MAGI2: variants seen among roughly 807,000 people sequenced by gnomAD.
MAGI2 encodes membrane-associated guanylate kinase, WW and PDZ domain-containing protein 2.
A neutral mutation model predicts 133.3 loss-of-function variants in MAGI2; 35 were observed. The ratio of observed to expected loss-of-function variants is 0.26; its 90% confidence interval spans 0.20 to 0.35. The LOEUF (loss-of-function observed/expected upper bound fraction) is 0.35, where lower values mean the gene tolerates loss of function less well. Ranked by LOEUF, MAGI2 falls within the 10% of genes least tolerant of loss-of-function variation. The pLI is 1.00. For synonymous variants in MAGI2, 729 were observed against 710.6 expected (o/e 1.03, Z -0.41); for missense variants, 1,636 against 1,863.4 (o/e 0.88, Z 2.25).
At chr7:78,758,649 A>G (rs1824193112) in intron 2 of MAGI2, among the ~76,000 whole-genome samples, 1 of 152,128 alleles carries the variant, frequency 6.6e-6, no homozygotes, top group African/African-American at 2.4e-5. Context: ...AAGCCTCTCC[A>G]TCACAAAAGG....
intron 6 of MAGI2, among the ~76,000 whole-genome samples, chr7:78,464,763 C>CA (rs1372876755): frequency 1.8e-4 from 26 of 148,166 alleles, no homozygotes; most frequent in African/African-American, 6.2e-4. Context: ...CAAATACATG[C>CA]AAAAAATGTA....
intron 1 of MAGI2, among the ~76,000 whole-genome samples, chr7:79,433,397 C>CA (rs1344669285): frequency 2.0e-5 from 3 of 151,882 alleles, no homozygotes; most frequent in African/African-American, 7.3e-5. Context: ...CTAAAAAATA[C>CA]AAAAAATTAG....
rs1250713042 is a variant in MAGI2 at position 78,256,489 on chromosome 7, T to A, written c.1501A>T (p.Ser501Cys). ...KLFQSVPIGQ[S>C]VNLVLCRGYP... ...CCACGACACAACACCAGGTTGACAC[T>A]CTGACCAATAGGAACAGACTGGAAA... is the stretch of plus-strand genomic sequence containing the variant. The change falls in exon 10 of 22, where the codon AGT becomes TGT. Residue 501 changes from serine to cysteine, a missense_variant. By Grantham distance (112) the Ser-to-Cys change is moderately radical (BLOSUM62 -1). This residue lies in a region of MAGI2 where 920 missense variants were observed against 1,093.5 expected (regional missense o/e 0.84). Coordinates refer to ENST00000354212, the MANE Select transcript of MAGI2 (RefSeq NM_012301.4). The A allele has an allele frequency of 1.2e-6, 2 of 1,613,924 alleles. No individual in the cohort carries two copies. Among genetic ancestry groups the A allele is most frequent in the Non-Finnish European group, 1.7e-6 (2 of 1,179,960 alleles).
At chr7:78,876,146 C>A in intron 2 of MAGI2, among the ~76,000 whole-genome samples, 1 of 151,662 alleles carries the variant, frequency 6.6e-6, no homozygotes, top group East Asian at 1.9e-4. Context: ...CATGGTGAAA[C>A]CCTGTCTCTA....
intron 2 of MAGI2, among the ~76,000 whole-genome samples, chr7:78,871,978 C>A (rs1795063610): frequency 6.6e-6 from 1 of 151,642 alleles, no homozygotes; most frequent in Non-Finnish European, 1.5e-5. Context: ...TTAACATCAA[C>A]CACAAACACA....
intron 2 of MAGI2, among the ~76,000 whole-genome samples, chr7:78,780,366 C>T (rs947766464): frequency 6.6e-5 from 10 of 151,080 alleles, no homozygotes; most frequent in Admixed American, 2.0e-4. Flanking sequence ...TGTGTTTGTA[C>T]CTGAATTTAT....
chr7:78,353,587 C>T lies in MAGI2; in HGVS notation c.1104-7544G>A, dbSNP rs114403316. On this transcript the variant is annotated intron_variant, in intron 7 of 21. Coordinates refer to ENST00000354212, the MANE Select transcript of MAGI2 (RefSeq NM_012301.4). Reference sequence around the variant, plus strand: ...AAACTGCTGAAATTTGTATGCATGACGTAAATACTCAGAGGGAGAAAAGAC... The same window carrying T: ...AAACTGCTGAAATTTGTATGCATGATGTAAATACTCAGAGGGAGAAAAGAC... 6.8e-3 allele frequency among the ~76,000 whole-genome samples: 1,039 copies of T among 152,236 alleles called. 14 individuals carry two copies. The highest frequency in any genetic ancestry group is 0.023 in the African/African-American group (960 of 41,544).
intron 2 of MAGI2, among the ~76,000 whole-genome samples, chr7:78,895,597 T>A (rs1337763606): frequency 6.6e-6 from 1 of 152,178 alleles, no homozygotes; most frequent in Non-Finnish European, 1.5e-5. Flanking sequence ...CATCTCGTGA[T>A]GCATTTGACA....
intron 1 of MAGI2, among the ~76,000 whole-genome samples, chr7:79,159,170 T>G (rs1270973836): frequency 6.6e-6 from 1 of 151,976 alleles, no homozygotes; most frequent in African/African-American, 2.4e-5. Flanking sequence ...AATGACTAGA[T>G]TGTTAAAGAG....
At chr7:78,716,914 A>G (rs1386763388) in intron 2 of MAGI2, among the ~76,000 whole-genome samples, 3 of 152,196 alleles carry the variant, frequency 2.0e-5, no homozygotes, top group Admixed American at 6.5e-5. Flanking sequence ...AGCCCAAGCC[A>G]CAGCATTTTG....
At chr7:79,226,555 C>T (rs1261896699) in intron 1 of MAGI2, among the ~76,000 whole-genome samples, 1 of 152,050 alleles carries the variant, frequency 6.6e-6, no homozygotes, top group Non-Finnish European at 1.5e-5. Flanking sequence ...AATAAAAATA[C>T]ATTGATAGGA....
At chr7:78,599,313 TAAG>T (rs767942318) in intron 3 of MAGI2, among the ~76,000 whole-genome samples, 2 of 152,226 alleles carry the variant, frequency 1.3e-5, no homozygotes, top group Non-Finnish European at 1.5e-5. Context: ...TTAAAAATTT[TAAG>T]AAGATAGATC....
At chr7:78,475,161 T>C (rs1791615334) in intron 6 of MAGI2, among the ~76,000 whole-genome samples, 1 of 151,972 alleles carries the variant, frequency 6.6e-6, no homozygotes, top group Admixed American at 6.6e-5. Flanking sequence ...CTTGTGTGTA[T>C]GCTTTTTAAA....
intron 4 of MAGI2, among the ~76,000 whole-genome samples, chr7:78,514,433 G>T (rs1462093116): frequency 1.3e-5 from 2 of 152,026 alleles, no homozygotes; most frequent in African/African-American, 2.4e-5. Flanking sequence ...TGGAATGCTG[G>T]TCATTTATAG....
chr7:78,032,790 A>G (rs1809725855), intron 21 of MAGI2, among the ~76,000 whole-genome samples: 1 of 152,126 alleles, frequency 6.6e-6, no homozygotes. Flanking sequence ...AATGCAGAGG[A>G]GGAGAAAGTC....
chr7:78,590,270 T>A (rs1248406331), intron 3 of MAGI2, among the ~76,000 whole-genome samples: 2 of 152,162 alleles, frequency 1.3e-5, no homozygotes, highest in Non-Finnish European at 2.9e-5. Flanking sequence ...TAATTCTGCC[T>A]TCTTCTCCAT....
intron 2 of MAGI2, among the ~76,000 whole-genome samples, chr7:78,669,711 A>G (rs1044134791): frequency 1.3e-5 from 2 of 152,162 alleles, no homozygotes; most frequent in African/African-American, 2.4e-5. Context: ...CACATTCAAA[A>G]AGCTTATCCA....
At chr7:78,214,338 G>T (rs1244722460) in intron 10 of MAGI2, among the ~76,000 whole-genome samples, 1 of 152,118 alleles carries the variant, frequency 6.6e-6, no homozygotes, top group Admixed American at 6.5e-5. Context: ...TAATCTTCAA[G>T]GCTAAACATT....
chr7:78,038,921 A>C (rs761305631), intron 21 of MAGI2, among the ~76,000 whole-genome samples: 1 of 152,252 alleles, frequency 6.6e-6, no homozygotes, highest in East Asian at 1.9e-4. Context: ...CAGGACAACA[A>C]CACCTGGACT....
Sources: allele counts gnomAD v4.1 joint callset (sites outside exome capture counted in the v4.1 genomes callset), GRCh38; gene constraint gnomAD v4.1.1; regional missense constraint gnomAD v4.1.1; transcripts MANE v1.5; gene names NCBI Gene and HGNC (gene_info 2026-07-23, HGNC 2026-07-21).